Variants in EPS15 observed in about 807,000 individuals in gnomAD.
The protein encoded by EPS15 is epidermal growth factor receptor substrate 15.
A neutral mutation model predicts 113.8 loss-of-function variants in EPS15; 72 were observed. The observed-to-expected ratio is 0.63, with a 90% CI of 0.52 to 0.77. EPS15 has a LOEUF of 0.77. EPS15 is among the 30% of genes least tolerant of loss of function. EPS15 has a pLI of 0.00. For missense variants in EPS15, 1,048 were observed against 1,045.8 expected, an observed-to-expected ratio of 1.00 and a Z score of -0.03; for synonymous variants, 344 against 363.4, an observed-to-expected ratio of 0.95 and a Z score of 0.61.
intron 8 of EPS15, 66 bp from the exon 9 acceptor site, chr1:51,448,201 T>C (rs932488571): frequency 3.3e-6 from 3 of 900,518 alleles, no homozygotes; most frequent in Non-Finnish European, 3.4e-6. Flanking sequence ...CTGAATTGAT[T>C]ATTGTTCAAT....
intron 7 of EPS15, 95 bp downstream of exon 7, chr1:51,463,578 G>T: frequency 3.2e-6 from 2 of 627,742 alleles, no homozygotes; most frequent in Non-Finnish European, 5.1e-6. Context: ...AATAAGATTT[G>T]TATATTTTTA....
At position 51,354,877 on chromosome 1, in the gene EPS15, T is replaced by A. The variant is rs534352373; in HGVS notation, c.*1823A>T. The A allele has an allele frequency of 2.0e-4, 41 of 202,146 alleles. No individual in the cohort carries two copies. The highest frequency in any genetic ancestry group is 2.9e-4 in the Non-Finnish European group (28 of 98,016). The allele number at this position is 202,146 out of a possible 1,614,324, so 12.5% of individuals were successfully genotyped here. ...TTTAATATTTGAGTTTAATTGAAAATTTTTTTGAAGCATTTAAACATTTGC... is the reference window on the plus strand; with the variant it reads ...TTTAATATTTGAGTTTAATTGAAAAATTTTTTGAAGCATTTAAACATTTGC... On this transcript the variant is annotated 3_prime_UTR_variant, in exon 25 of 25. Transcript: ENST00000371733.
rs115746650 is a variant in EPS15, at chr1:51,514,560, T to C, written c.33+4639A>G. Reference sequence around the variant, plus strand: ...TTCCCTAAAGAACAAGTAAAATATCTTAGATTAGGCCTTTAAAATCACACT... The same window carrying C: ...TTCCCTAAAGAACAAGTAAAATATCCTAGATTAGGCCTTTAAAATCACACT... On this transcript the variant is annotated intron_variant, in intron 1 of 24. Transcript: ENST00000371733. 5.2e-3 allele frequency among the ~76,000 whole-genome samples: 794 copies of C among 152,260 alleles called. 5 individuals carry two copies. Among genetic ancestry groups the C allele is most frequent in the Middle Eastern group, 0.024 (7 of 294 alleles).
intron 24 of EPS15, among the ~76,000 whole-genome samples, chr1:51,357,679 T>C (rs1646271142): frequency 6.7e-6 from 1 of 149,682 alleles, no homozygotes; most frequent in Non-Finnish European, 1.5e-5. Context: ...AAAAAGCTGA[T>C]TTTGCTATAC....
At chr1:51,512,484 C>G (rs1414781872) in intron 1 of EPS15, among the ~76,000 whole-genome samples, 3 of 150,568 alleles carry the variant, frequency 2.0e-5, no homozygotes, top group Non-Finnish European at 4.4e-5. Context: ...CAAAAAATGC[C>G]AAAAACAAAA....
chr1:51,472,807 T>C (rs371442114), intron 3 of EPS15, 52 bp downstream of exon 3: 51 of 1,331,284 alleles, frequency 3.8e-5, no homozygotes, highest in Non-Finnish European at 5.0e-5. Context: ...AGTTCATCTA[T>C]AGTACACATT....
At chr1:51,463,354 A>G (rs1654619107) in intron 7 of EPS15, 1 of 176,998 alleles carries the variant, frequency 5.6e-6, no homozygotes, top group Non-Finnish European at 1.2e-5. Flanking sequence ...AGTGGCAGAC[A>G]TAAAATACTG....
intron 21 of EPS15, among the ~76,000 whole-genome samples, chr1:51,392,717 C>T (rs896747068): frequency 5.9e-5 from 9 of 152,226 alleles, no homozygotes; most frequent in Non-Finnish European, 8.8e-5. Flanking sequence ...CTAGCCCATG[C>T]TTTCAAGGCA....
At chr1:51,417,947 A>T (rs1391267368) in intron 13 of EPS15, among the ~76,000 whole-genome samples, 1 of 152,182 alleles carries the variant, frequency 6.6e-6, no homozygotes, top group Non-Finnish European at 1.5e-5. Context: ...AAAGATTCCC[A>T]CATCTGAGAG....
intron 7 of EPS15, among the ~76,000 whole-genome samples, chr1:51,462,747 A>G (rs1484434359): frequency 6.6e-6 from 1 of 152,124 alleles, no homozygotes; most frequent in Non-Finnish European, 1.5e-5. Context: ...GTTGCATAAT[A>G]ATGTAAATGT....
chr1:51,407,690 T>C (rs1233381160), intron 15 of EPS15, among the ~76,000 whole-genome samples: 1 of 152,164 alleles, frequency 6.6e-6, no homozygotes, highest in African/African-American at 2.4e-5. Flanking sequence ...CAGAAGAAAC[T>C]AGGTTATTGT....
At position 51,483,416 on chromosome 1, in the gene EPS15, T is replaced by TTGA. The variant is rs1644058617; in HGVS notation, c.34-2103_34-2102insTCA. Among the ~76,000 whole-genome samples, 2 of 151,236 alleles carry TTGA rather than the reference T, an allele frequency of 1.3e-5. 1 individual carries two copies. Among genetic ancestry groups the TTGA allele is most frequent in the African/African-American group, 4.9e-5 (2 of 41,106 alleles). Reference sequence around the variant, plus strand: ...GACTGCAAGTGTGTGTGTGTGTGTGTGTGTGTGTGTGTGTGTGTGTGTGTC... The same window carrying TTGA: ...GACTGCAAGTGTGTGTGTGTGTGTGTTGAGTGTGTGTGTGTGTGTGTGTGTGTC... On this transcript the variant is annotated intron_variant, in intron 1 of 24. Transcript: ENST00000371733.
At chr1:51,405,763 T>G (rs1188759176) in intron 16 of EPS15, 142 bp downstream of exon 16, 3 of 620,026 alleles carry the variant, frequency 4.8e-6, no homozygotes, top group Non-Finnish European at 8.4e-6. Context: ...TTGTTTGGAT[T>G]AGGACTCTCT....
chr1:51,411,664 T>G (rs763241152), intron 13 of EPS15, among the ~76,000 whole-genome samples: 12 of 152,174 alleles, frequency 7.9e-5, no homozygotes, highest in Non-Finnish European at 1.3e-4. Flanking sequence ...TTGCCTAGGT[T>G]TCTTAAGAAT....
chr1:51,356,646 T>A lies in EPS15; in HGVS notation c.*54A>T, dbSNP rs1646223797. On this transcript the variant is annotated 3_prime_UTR_variant, in exon 25 of 25. Transcript: ENST00000371733. ...AGTTTTGATACACATTGTAAATAGT[T>A]TCAGTATTCAGGAAGAAGAATACTA... The A allele has an allele frequency of 6.7e-7, 1 of 1,494,730 alleles. No homozygotes were observed. The highest frequency in any genetic ancestry group is 9.2e-7 in the Non-Finnish European group (1 of 1,089,804). 92.6% of individuals were successfully genotyped at this position (1,494,730 alleles called of 1,614,324 possible). A position where few individuals can be genotyped will look rare whatever the true frequency, so the allele number is the denominator to read the frequency against.
chr1:51,509,121 T>C (rs940781704), intron 1 of EPS15, among the ~76,000 whole-genome samples: 1 of 152,094 alleles, frequency 6.6e-6, no homozygotes, highest in Admixed American at 6.5e-5. Context: ...TCAGAGCAAA[T>C]GTCATGGTCT....
chr1:51,402,854 A>C (rs765698034), intron 17 of EPS15, among the ~76,000 whole-genome samples: 26 of 152,164 alleles, frequency 1.7e-4, no homozygotes, highest in Non-Finnish European at 3.7e-4. Context: ...GCAGTGAGCC[A>C]AGATCACACT....
intron 12 of EPS15, among the ~76,000 whole-genome samples, chr1:51,427,345 T>A (rs550663228): frequency 2.0e-5 from 3 of 152,318 alleles, no homozygotes; most frequent in Non-Finnish European, 4.4e-5. Context: ...CTGAATCCTA[T>A]TACATACTTG....
chr1:51,504,626 GACAT>G (rs1476531892), intron 1 of EPS15, among the ~76,000 whole-genome samples: 1 of 151,974 alleles, frequency 6.6e-6, no homozygotes, highest in Non-Finnish European at 1.5e-5. Context: ...CTCTAAAGAA[GACAT>G]ACAAATGGCT....
Sources: allele counts gnomAD v4.1 joint callset (sites outside exome capture counted in the v4.1 genomes callset), GRCh38; gene constraint gnomAD v4.1.1; transcripts MANE v1.5; gene names NCBI Gene and HGNC (gene_info 2026-07-23, HGNC 2026-07-21).